Variants in RFTN1 observed in about 807,000 individuals in gnomAD.
RFTN1 encodes the protein raftlin, lipid raft linker 1.
A neutral mutation model predicts 46.5 loss-of-function variants in RFTN1; 26 were observed. The observed-to-expected ratio is 0.56, with a 90% confidence interval of 0.41 to 0.78. The LOEUF is 0.78. RFTN1 is among the 30% of genes least tolerant of loss of function. The pLI is 0.00. For synonymous variants in RFTN1, 261 were observed against 284.2 expected, an observed-to-expected ratio of 0.92 and a Z score of 0.82; for missense variants, 693 against 718.7, an observed-to-expected ratio of 0.96 and a Z score of 0.41.
In RFTN1 at chr3:16,316,120, T is replaced by C. The variant is rs946691569; in HGVS notation, c.*708A>G. 4 of 152,956 alleles carry C rather than the reference T, an allele frequency of 2.6e-5. No individual in the cohort carries two copies. The Admixed American group carries it at 2.6e-4, about 10-fold the overall frequency. 9.5% of individuals were successfully genotyped at this position (152,956 alleles called of 1,614,324 possible). ...AGTGACAGAAGTAATGTGGTTTGTA[T>C]GATGTGCTGAGTACAAAACCTTTAA... is the stretch of plus-strand genomic sequence containing the variant. On this transcript the variant is annotated 3_prime_UTR_variant, in exon 10 of 10. Coordinates refer to ENST00000334133, the MANE Select transcript of RFTN1 (RefSeq NM_015150.2). This position sits in a 1 kb window ranked among gnomAD's most constrained non-coding sequence, Gnocchi z 4.5.
chr3:16,350,490 C>A (rs1575093371), intron 7 of RFTN1, among the ~76,000 whole-genome samples: 1 of 126,690 alleles, frequency 7.9e-6, no homozygotes, highest in East Asian at 2.4e-4. Flanking sequence ...TGAGATGAAT[C>A]ACTTTTTTTT....
chr3:16,323,598 C>T (rs979204272), intron 8 of RFTN1, 141 bp from the exon 9 acceptor site: 10 of 585,880 alleles, frequency 1.7e-5, no homozygotes, highest in Middle Eastern at 4.4e-4. Context: ...CTGCTCTACT[C>T]TTCCGCTCCC....
chr3:16,441,156 C>T (rs2075614240), intron 2 of RFTN1, among the ~76,000 whole-genome samples: 1 of 151,798 alleles, frequency 6.6e-6, no homozygotes, highest in Non-Finnish European at 1.5e-5. Context: ...CAATAACAGG[C>T]TTTTATAAAA....
rs1322164838 is a variant in RFTN1, at chr3:16,424,094, G to A, written c.332+9757C>T. Among the ~76,000 whole-genome samples, 2 of 152,124 alleles carry A rather than the reference G, an allele frequency of 1.3e-5. No homozygotes were observed. Among genetic ancestry groups the A allele is most frequent in the African/African-American group, 4.8e-5 (2 of 41,416 alleles). On this transcript the variant is annotated intron_variant, in intron 3 of 9. Transcript: ENST00000334133. The surrounding 1 kb of genome is among the most constrained non-coding windows in gnomAD (Gnocchi z 4.7). Reference sequence around the variant, plus strand: ...AGCTGGGGAATTAGCAAAGCTTCTGGTCCCACAGTGTAGCCATGGGGACTG... The same window carrying A: ...AGCTGGGGAATTAGCAAAGCTTCTGATCCCACAGTGTAGCCATGGGGACTG...
At position 16,500,782 on chromosome 3, in the gene RFTN1, C is replaced by T. The variant is rs2076698356; in HGVS notation, c.-8-6905G>A. On this transcript the variant is annotated intron_variant, in intron 1 of 9. Transcript: ENST00000334133. This position sits in a 1 kb window ranked among gnomAD's most constrained non-coding sequence, Gnocchi z 5.9. ...GAAATTATGTTCCAAATTCATTCAT[C>T]CATCCATTCATTCAACACACATTTA... Among the ~76,000 whole-genome samples, 1 of 152,170 alleles carries T rather than the reference C, an allele frequency of 6.6e-6. No homozygotes were observed. Among genetic ancestry groups the T allele is most frequent in the African/African-American group, 2.4e-5 (1 of 41,442 alleles).
At chr3:16,490,709 A>G (rs539633324) in intron 2 of RFTN1, among the ~76,000 whole-genome samples, 42 of 152,380 alleles carry the variant, frequency 2.8e-4, no homozygotes, top group African/African-American at 8.7e-4. Flanking sequence ...TGCTTATCAC[A>G]ACATTATTTG....
Position 16,434,382 on chromosome 3 carries a change from AAACAAACAAAC to A in RFTN1, c.146-356_146-346del, listed in dbSNP as rs1156876030. ...CTCTTAAACAAACAAACAAACAAAC[AAACAAACAAAC>A]AAAAACAAAAAAACCCCCTCAAAAT... On this transcript the variant is annotated intron_variant, in intron 2 of 9. Transcript: ENST00000334133. 5.7e-3 allele frequency among the ~76,000 whole-genome samples: 813 copies of A among 143,864 alleles called. 6 individuals are homozygous for A. The highest frequency in any genetic ancestry group is 0.019 in the African/African-American group (768 of 39,546). The allele number at this position is 143,864 out of a possible 152,430, so 94.4% of individuals were successfully genotyped here.
rs1369672119 is a variant in RFTN1 at position 16,410,830 on chromosome 3, C to T, written c.333-1347G>A. Among the ~76,000 whole-genome samples, 1 of 152,204 alleles carries T rather than the reference C, an allele frequency of 6.6e-6. No homozygotes were observed. Among genetic ancestry groups the T allele is most frequent in the Non-Finnish European group, 1.5e-5 (1 of 68,036 alleles). ...AGGAGAGCCAGCAGCAAGTGGTCAC[C>T]AGGAGGAAATTCCACCACTTCACAG... On this transcript the variant is annotated intron_variant, in intron 3 of 9. Coordinates refer to ENST00000334133, the MANE Select transcript of RFTN1 (RefSeq NM_015150.2). This position sits in a 1 kb window ranked among gnomAD's most constrained non-coding sequence, Gnocchi z 4.6.
rs1414899737 is a variant in RFTN1 at position 16,480,208 on chromosome 3, ATAT to A, written c.145+13514_145+13516del. Among the ~76,000 whole-genome samples the A allele has an allele frequency of 3.3e-5, 5 of 152,220 alleles. No homozygotes were observed. Among genetic ancestry groups the A allele is most frequent in the African/African-American group, 1.2e-4 (5 of 41,458 alleles). On this transcript the variant is annotated intron_variant, in intron 2 of 9. Coordinates refer to ENST00000334133, the MANE Select transcript of RFTN1 (RefSeq NM_015150.2). The surrounding 1 kb of genome is among the most constrained non-coding windows in gnomAD (Gnocchi z 4.3). The stretch of plus-strand genomic sequence containing the variant: ...CAAGCTTGCCAGCTCCCTTGGGAAT[ATAT>A]TATTATACCTATCTTGTGTCAAAGC...
rs2071860429 is a variant in RFTN1, at chr3:16,348,150, A to T, written c.1146+9782T>A. 6.6e-6 allele frequency: 1 copy of T among 152,138 alleles called. No homozygotes were observed. Among genetic ancestry groups the T allele is most frequent in the South Asian group, 2.1e-4 (1 of 4,832 alleles). 9.4% of individuals were successfully genotyped at this position (152,138 alleles called of 1,614,324 possible). A position where few individuals can be genotyped will look rare whatever the true frequency, so the allele number is the denominator to read the frequency against. On this transcript the variant is annotated intron_variant, in intron 7 of 9. Coordinates refer to ENST00000334133, the MANE Select transcript of RFTN1 (RefSeq NM_015150.2). The surrounding 1 kb of genome is among the most constrained non-coding windows in gnomAD (Gnocchi z 6.3). ...AGCACTTGTGGCTCTTGTTGCTTAA[A>T]GCAGGGCAGGCTCCTGGAGCTCAGG...
In RFTN1 at chr3:16,409,346, T is replaced by C. The variant is rs1575245760; in HGVS notation, c.441+29A>G. The C allele has an allele frequency of 6.7e-6, 10 of 1,482,778 alleles. No homozygotes were observed. The East Asian group carries it at 2.3e-4, about 34-fold the overall frequency. 91.9% of individuals were successfully genotyped at this position (1,482,778 alleles called of 1,614,324 possible). A position where few individuals can be genotyped will look rare whatever the true frequency, so the allele number is the denominator to read the frequency against. On this transcript the variant is annotated intron_variant, in intron 4 of 9. Transcript: ENST00000334133. ...ACTCAGGGGAACACTCGCAAACCTC[T>C]TCAATGGTACCCTGACTGTAGCGCT...
At chr3:16,405,055 G>A (rs2074819371) in intron 4 of RFTN1, among the ~76,000 whole-genome samples, 1 of 152,042 alleles carries the variant, frequency 6.6e-6, no homozygotes, top group Non-Finnish European at 1.5e-5. Context: ...TCCCATAGAC[G>A]CTCTCATGAA....
Position 16,385,179 on chromosome 3 carries a change from CAT to C in RFTN1, c.442-7079_442-7078del. On this transcript the variant is annotated intron_variant, in intron 4 of 9. Transcript: ENST00000334133. This position sits in a 1 kb window ranked among gnomAD's most constrained non-coding sequence, Gnocchi z 5.0. ...AATGCCATTCTGGGTTGCAGTTACA[CAT>C]GAGTCTTTACAGTGAATATTTTATC... Among the ~76,000 whole-genome samples, 1 of 152,314 alleles carries C rather than the reference CAT, an allele frequency of 6.6e-6. No homozygotes were observed. The highest frequency in any genetic ancestry group is 2.1e-4 in the South Asian group (1 of 4,824).
intron 1 of RFTN1, among the ~76,000 whole-genome samples, chr3:16,511,467 T>C (rs1423839315): frequency 6.6e-6 from 1 of 152,208 alleles, no homozygotes; most frequent in Non-Finnish European, 1.5e-5. Flanking sequence ...TAAGCAAAGA[T>C]GGCAAAATGT....
In RFTN1 at chr3:16,407,452, CAA is replaced by C. The variant is rs75682382; in HGVS notation, c.441+1921_441+1922del. Among the ~76,000 whole-genome samples, 9,256 of 152,146 alleles carry C rather than the reference CAA, an allele frequency of 0.061. 350 individuals are homozygous for C. The highest frequency in any genetic ancestry group is 0.11 in the Middle Eastern group (33 of 294). The stretch of plus-strand genomic sequence containing the variant: ...AAGCAATCCTTTTGCCTCAGCCTCC[CAA>C]AGTGTTGGGATTACCAGCTGAGCCA... On this transcript the variant is annotated intron_variant, in intron 4 of 9. Transcript: ENST00000334133. This position sits in a 1 kb window ranked among gnomAD's most constrained non-coding sequence, Gnocchi z 4.0.
chr3:16,432,533 A>T (rs2075409866), intron 3 of RFTN1, among the ~76,000 whole-genome samples: 1 of 152,032 alleles, frequency 6.6e-6, no homozygotes, highest in Non-Finnish European at 1.5e-5. Flanking sequence ...AATAAAAAAG[A>T]AAAGAAAAGA....
Position 16,421,791 on chromosome 3 carries a change from T to C in RFTN1, c.332+12060A>G, listed in dbSNP as rs992797036. Among the ~76,000 whole-genome samples the C allele has an allele frequency of 1.3e-5, 2 of 152,186 alleles. No homozygotes were observed. The highest frequency in any genetic ancestry group is 4.8e-5 in the African/African-American group (2 of 41,440). ...TTCTCTTCAATCTGCAATCACTTCA[T>C]AGAAATTTTTTAAAGCCATGTGTAT... is the stretch of plus-strand genomic sequence containing the variant. On this transcript the variant is annotated intron_variant, in intron 3 of 9. Transcript: ENST00000334133. The surrounding 1 kb of genome is among the most constrained non-coding windows in gnomAD (Gnocchi z 4.6).
At chr3:16,463,702 A>AT (rs1372668941) in intron 2 of RFTN1, among the ~76,000 whole-genome samples, 1 of 151,920 alleles carries the variant, frequency 6.6e-6, no homozygotes, top group Non-Finnish European at 1.5e-5. Context: ...TTTTTCTCTC[A>AT]TTTTTGGGGA....
chr3:16,369,537 T>C (rs2073401190), intron 6 of RFTN1, among the ~76,000 whole-genome samples: 1 of 152,240 alleles, frequency 6.6e-6, no homozygotes, highest in African/African-American at 2.4e-5. Flanking sequence ...TCAATAGTGC[T>C]ATCCCATGCA....
Sources: allele counts gnomAD v4.1 joint callset (sites outside exome capture counted in the v4.1 genomes callset), GRCh38; gene constraint gnomAD v4.1.1; non-coding constraint Gnocchi (gnomAD v3.1); transcripts MANE v1.5; gene names NCBI Gene and HGNC (gene_info 2026-07-23, HGNC 2026-07-21).